MGARP: variants seen among roughly 807,000 people sequenced by gnomAD.
The protein encoded by MGARP is protein MGARP.
Under a neutral mutation model 11.0 loss-of-function variants are expected in MGARP, and 12 were observed. That is an observed-to-expected ratio of 1.09 (90% CI 0.70 to 1.77). The LOEUF (loss-of-function observed/expected upper bound fraction) is 1.77, where lower values mean the gene tolerates loss of function less well. Ranked by LOEUF, MGARP falls within the 40% of genes most tolerant of loss-of-function variation. MGARP has a pLI of 0.00. For missense variants in MGARP, 283 were observed against 297.8 expected, an observed-to-expected ratio of 0.95 and a Z score of 0.36; for synonymous variants, 110 against 115.4, an observed-to-expected ratio of 0.95 and a Z score of 0.30.
chr4:139,274,382 T>A (rs1744834703), intron 2 of MGARP, among the ~76,000 whole-genome samples: 1 of 152,068 alleles, frequency 6.6e-6, no homozygotes, highest in Non-Finnish European at 1.5e-5. Flanking sequence ...GGAGGGGGTG[T>A]GAGGGGTTAT....
At chr4:139,273,922 C>T (rs1292504346) in intron 2 of MGARP, among the ~76,000 whole-genome samples, 1 of 152,134 alleles carries the variant, frequency 6.6e-6, no homozygotes, top group African/African-American at 2.4e-5. Flanking sequence ...TCATTTTAGT[C>T]CCAAAATCTC....
At chr4:139,268,149 G>C (rs1167007020) in intron 3 of MGARP, among the ~76,000 whole-genome samples, 1 of 150,582 alleles carries the variant, frequency 6.6e-6, no homozygotes, top group Admixed American at 6.7e-5. Flanking sequence ...AAGGAAGGGA[G>C]GGTGGGAAAA....
At chr4:139,269,350 C>T (rs1031278959) in intron 2 of MGARP, among the ~76,000 whole-genome samples, 3 of 151,952 alleles carry the variant, frequency 2.0e-5, no homozygotes, top group Admixed American at 6.6e-5. Context: ...GGAATCAGGC[C>T]GGGTGCGGTG....
At chr4:139,274,712 A>T (rs1744841265) in intron 2 of MGARP, among the ~76,000 whole-genome samples, 1 of 152,092 alleles carries the variant, frequency 6.6e-6, no homozygotes, top group Non-Finnish European at 1.5e-5. Flanking sequence ...CGAACTCCTG[A>T]CCTTAGGTGA....
chr4:139,266,926 G>T lies in MGARP; in HGVS notation c.396C>A (p.Val132=). Residue 132 remains valine, a synonymous_variant, in exon 4 of 4, where the codon GTC becomes GTA. Transcript: ENST00000398955. ...CTGGACAGGCAGATGCCTCTTTTAT[G>T]ACCACAACTGTAGCACTGGGACTTT... is the stretch of plus-strand genomic sequence containing the variant. ...AEESPSATVV[V]IKEASACPGH... 6.2e-7 allele frequency: 1 copy of T among 1,614,102 alleles called. No homozygotes were observed. Among genetic ancestry groups the T allele is most frequent in the Non-Finnish European group, 8.5e-7 (1 of 1,180,010 alleles).
intron 2 of MGARP, among the ~76,000 whole-genome samples, chr4:139,272,980 C>T (rs865940696): frequency 1.1e-4 from 16 of 152,092 alleles, no homozygotes; most frequent in South Asian, 2.1e-4. Context: ...GCCACCGGCC[C>T]GGCTTTATTC....
chr4:139,273,496 G>T (rs1415086768), intron 2 of MGARP, among the ~76,000 whole-genome samples: 1 of 146,462 alleles, frequency 6.8e-6, no homozygotes, highest in African/African-American at 2.5e-5. Flanking sequence ...ATGAGCCACC[G>T]CATTACTTTT....
At chr4:139,268,845 C>G (rs546103205) in intron 2 of MGARP, 80 bp from the exon 3 acceptor site, 24 of 1,012,938 alleles carry the variant, frequency 2.4e-5, no homozygotes, top group Non-Finnish European at 3.3e-5. Context: ...ACTCAAGTCT[C>G]CCTGTAATCA....
Position 139,267,023 on chromosome 4 carries a change from G to T in MGARP, c.299C>A (p.Ala100Glu), listed in dbSNP as rs200850973. ...TTCTGAACTTGCTTTCTCAGTTTCC[G>T]CAACATTCTCCTTTTCACCTTTAAG... ...HPFQGEKENV[A>E]ETEKASSEAP... The change falls in exon 4 of 4, where the codon GCG (alanine) becomes GAG (glutamate). Residue 100 changes from alanine to glutamate, a missense_variant. Physicochemically the swap from Ala to Glu is moderately radical, Grantham distance 107. Coordinates refer to ENST00000398955, the MANE Select transcript of MGARP (RefSeq NM_032623.4). 2.7e-5 allele frequency: 43 copies of T among 1,613,250 alleles called. No homozygotes were observed. Among genetic ancestry groups the T allele is most frequent in the Non-Finnish European group, 3.5e-5 (41 of 1,179,652 alleles).
rs555210703 is a variant in MGARP, at chr4:139,279,546, T to C, written c.82+531A>G. Among the ~76,000 whole-genome samples, 4 of 152,188 alleles carry C rather than the reference T, an allele frequency of 2.6e-5. No individual in the cohort carries two copies. In the South Asian group the frequency reaches 8.3e-4, roughly 32 times the overall value. On this transcript the variant is annotated intron_variant, in intron 1 of 3. Transcript: ENST00000398955. ...AGACCCTGCCAAGGGTTAGGTTTAT[T>C]TACCCCACGAACATTCGCCCAGCGT...
At chr4:139,277,748 G>C (rs1744893944) in intron 1 of MGARP, among the ~76,000 whole-genome samples, 1 of 151,890 alleles carries the variant, frequency 6.6e-6, no homozygotes, top group Non-Finnish European at 1.5e-5. Flanking sequence ...GACTATCCAA[G>C]ATTTGTGGAA....
chr4:139,279,366 C>A (rs888595400), intron 1 of MGARP, among the ~76,000 whole-genome samples: 1 of 152,192 alleles, frequency 6.6e-6, no homozygotes, highest in Non-Finnish European at 1.5e-5. Flanking sequence ...TGCTTTTTCT[C>A]GCGTATCCTC....
chr4:139,270,077 G>A (rs866765760), intron 2 of MGARP, among the ~76,000 whole-genome samples: 4 of 151,976 alleles, frequency 2.6e-5, no homozygotes, highest in South Asian at 2.1e-4. Context: ...TGAGGCCAGC[G>A]GATCACCTGA....
chr4:139,275,181 G>A lies in MGARP; in HGVS notation c.186+108C>T, dbSNP rs569720469. The A allele has an allele frequency of 3.8e-4, 315 of 828,414 alleles. 6 individuals carry two copies. The South Asian group carries it at 4.7e-3, about 12-fold the overall frequency. 51.3% of individuals were successfully genotyped at this position (828,414 alleles called of 1,614,324 possible). On this transcript the variant is annotated intron_variant, in intron 2 of 3. Transcript: ENST00000398955. Reference sequence around the variant, plus strand: ...TAATGACACTTAAATCTATTGCTATGTTGTATATTTAATTAATCTCATGTC... The same window carrying A: ...TAATGACACTTAAATCTATTGCTATATTGTATATTTAATTAATCTCATGTC...
At chr4:139,268,890 AAAG>A in intron 2 of MGARP, 125 bp from the exon 3 acceptor site, 1 of 636,412 alleles carries the variant, frequency 1.6e-6, no homozygotes, top group Non-Finnish European at 2.7e-6. Context: ...CCAGTGTAGC[AAAG>A]AAGAGAAATC....
chr4:139,268,631 C>CA (rs1322237451), intron 3 of MGARP, 41 bp downstream of exon 3: 2 of 1,449,188 alleles, frequency 1.4e-6, no homozygotes, highest in South Asian at 1.2e-5. Flanking sequence ...ATTAGTGCCT[C>CA]AAAAAATAAA....
rs1024444952 is a variant in MGARP at position 139,266,629 on chromosome 4, A to G, written c.693T>C (p.Val231=). ...CTTGAGCCGAAGCAGCCTCAGAGCC[A>G]ACACTGGCTTCCTCCTGTAAATCAT... The part of the protein sequence containing the change: ...AGDDLQEEAS[V]GSEAASAQG The change falls in exon 4 of 4, where the codon GTT becomes GTC. Residue 231 remains valine, a synonymous_variant. Coordinates refer to ENST00000398955, the MANE Select transcript of MGARP (RefSeq NM_032623.4). The G allele has an allele frequency of 9.9e-6, 16 of 1,613,842 alleles. No homozygotes were observed. The highest frequency in any genetic ancestry group is 1.4e-5 in the Non-Finnish European group (16 of 1,179,964).
chr4:139,269,579 C>A (rs1336053968), intron 2 of MGARP, among the ~76,000 whole-genome samples: 2 of 143,148 alleles, frequency 1.4e-5, no homozygotes, highest in Admixed American at 7.3e-5. Flanking sequence ...TGCAGTGAGC[C>A]GAGATCATGC....
Position 139,266,745 on chromosome 4 carries a change from C to G in MGARP, c.577G>C (p.Asp193His), listed in dbSNP as rs1460185863. 2 of 1,614,148 alleles carry G rather than the reference C, an allele frequency of 1.2e-6. No individual in the cohort carries two copies. The highest frequency in any genetic ancestry group is 1.7e-6 in the Non-Finnish European group (2 of 1,180,014). Residue 193 changes from aspartate (D) to histidine (H), a missense_variant, in exon 4 of 4, where the codon GAT (aspartate) becomes CAT (histidine). Physicochemically the swap from Asp to His is moderately conservative, Grantham distance 81. Coordinates refer to ENST00000398955, the MANE Select transcript of MGARP (RefSeq NM_032623.4). ...GTTTCGTTCTTTGTTGTATCTTTATCATTATCGATGGTGACAGCTTCATCC... is the reference window on the plus strand; with the variant it reads ...GTTTCGTTCTTTGTTGTATCTTTATGATTATCGATGGTGACAGCTTCATCC... ...ALDEAVTIDN[D>H]KDTTKNETSD...
Sources: allele counts gnomAD v4.1 joint callset (sites outside exome capture counted in the v4.1 genomes callset), GRCh38; gene constraint gnomAD v4.1.1; transcripts MANE v1.5; gene names NCBI Gene and HGNC (gene_info 2026-07-23, HGNC 2026-07-21).